Variants in POLA1 observed in about 807,000 individuals in gnomAD.
POLA1 encodes the protein DNA polymerase alpha catalytic subunit.
In POLA1, 15 loss-of-function variants were observed where a neutral mutation model predicts 124.0. The ratio of observed to expected loss-of-function variants is 0.12; its 90% CI spans 0.08 to 0.19. The LOEUF is 0.19. POLA1 is among the 10% of genes least tolerant of loss of function. POLA1 has a pLI of 1.00. For synonymous variants in POLA1, 408 were observed against 389.4 expected, an observed-to-expected ratio of 1.05 and a Z score of -0.56; for missense variants, 886 against 1,103.4, an observed-to-expected ratio of 0.80 and a Z score of 2.79.
chrX:24,744,440 G>A (rs1931869895), intron 23 of POLA1: 1 of 335,158 alleles, frequency 3.0e-6, no homozygotes, highest in East Asian at 8.3e-5. Context: ...TGTCTTAATA[G>A]TGGACATTTA....
chrX:24,806,271 T>C (rs1344296769), intron 26 of POLA1, among the ~76,000 whole-genome samples: 2 of 107,795 alleles, frequency 1.9e-5, no homozygotes, highest in Non-Finnish European at 3.8e-5. Flanking sequence ...TCTATAAATA[T>C]TTATTAACAG....
intron 34 of POLA1, among the ~76,000 whole-genome samples, chrX:24,845,448 G>A (rs2046463860): frequency 8.9e-6 from 1 of 111,870 alleles, no homozygotes; most frequent in Admixed American, 9.5e-5. Context: ...GGCAGAGAAC[G>A]AAATCCGTTA....
At chrX:24,811,113 C>CTAA (rs1029957871) in intron 28 of POLA1, among the ~76,000 whole-genome samples, 1 of 110,430 alleles carries the variant, frequency 9.1e-6, no homozygotes, top group African/African-American at 3.3e-5. Flanking sequence ...CCATGCCCAG[C>CTAA]TAATTAAAAA....
At chrX:24,765,187 C>T (rs888915893) in intron 26 of POLA1, among the ~76,000 whole-genome samples, 1 of 111,084 alleles carries the variant, frequency 9.0e-6, no homozygotes, top group African/African-American at 3.3e-5. Flanking sequence ...ATCTGGTTTC[C>T]TCTGCCTGGA....
intron 36 of POLA1, among the ~76,000 whole-genome samples, chrX:24,947,176 C>T (rs181783394): frequency 7.4e-5 from 8 of 107,393 alleles, no homozygotes; most frequent in African/African-American, 2.7e-4. Context: ...ACTGTCTCAA[C>T]CCAGGCACAC....
At chrX:24,994,540 C>A (rs775042129) in intron 36 of POLA1, among the ~76,000 whole-genome samples, 12 of 112,149 alleles carry the variant, frequency 1.1e-4, no homozygotes, top group Admixed American at 9.4e-4. Context: ...GGGGCGGAGG[C>A]CTCACCTCAG....
chrX:24,831,059 G>A (rs1275413652), intron 32 of POLA1, among the ~76,000 whole-genome samples: 1 of 111,820 alleles, frequency 8.9e-6, no homozygotes, highest in Non-Finnish European at 1.9e-5. Context: ...ACTTAACCCA[G>A]TGTGTTCTGA....
chrX:24,767,656 G>A (rs762372512), intron 26 of POLA1, among the ~76,000 whole-genome samples: 1 of 111,871 alleles, frequency 8.9e-6, no homozygotes, highest in Non-Finnish European at 1.9e-5. Context: ...TAGTGGAGGT[G>A]GGCGTGGAGG....
intron 34 of POLA1, among the ~76,000 whole-genome samples, chrX:24,844,659 T>C (rs1459053831): frequency 8.9e-6 from 1 of 112,066 alleles, no homozygotes; most frequent in Non-Finnish European, 1.9e-5. Context: ...TCCAGTATTA[T>C]GATTTTGGTG....
chrX:24,706,667 A>G (rs1928829849), intron 4 of POLA1, among the ~76,000 whole-genome samples: 2 of 112,130 alleles, frequency 1.8e-5, no homozygotes, highest in African/African-American at 3.2e-5. Context: ...CACTAAATCA[A>G]TATCTGTACT....
At chrX:24,760,556 A>G (rs1932777919) in intron 26 of POLA1, among the ~76,000 whole-genome samples, 1 of 112,199 alleles carries the variant, frequency 8.9e-6, no homozygotes, top group Non-Finnish European at 1.9e-5. Flanking sequence ...CAGTATGGTC[A>G]GACCCATTAA....
intron 26 of POLA1, among the ~76,000 whole-genome samples, chrX:24,799,943 C>A (rs1252004081): frequency 1.8e-5 from 2 of 111,664 alleles, no homozygotes; most frequent in Non-Finnish European, 3.8e-5. Flanking sequence ...CACTTTGAGT[C>A]AATTTTAATC....
At chrX:24,891,516 T>C (rs1368483212) in intron 35 of POLA1, among the ~76,000 whole-genome samples, 2 of 111,767 alleles carry the variant, frequency 1.8e-5, no homozygotes, top group East Asian at 5.6e-4. Flanking sequence ...AATGCATTTT[T>C]CCAAAGATAG....
At chrX:24,757,952 A>ACTTACTT (rs1932698260) in intron 26 of POLA1, among the ~76,000 whole-genome samples, 2 of 111,843 alleles carry the variant, frequency 1.8e-5, no homozygotes, top group South Asian at 7.5e-4. Context: ...TTTTATCTGC[A>ACTTACTT]GATCGTTTAT....
chrX:24,949,883 C>T lies in POLA1; in HGVS notation c.4261+19334C>T, dbSNP rs768890915. Among the ~76,000 whole-genome samples the T allele has an allele frequency of 1.5e-4, 16 of 109,383 alleles. No homozygotes were observed. In the East Asian group the frequency reaches 2.9e-3, roughly 20 times the overall value. 95.0% of individuals were successfully genotyped at this position (109,383 alleles called of 115,157 possible). ...CCTAGTAGCTGGGATTACAGGTACA[C>T]GCCACCACACCCAGCTAATTTTGTA... On this transcript the variant is annotated intron_variant, in intron 36 of 36. Transcript: ENST00000379068.
At chrX:24,712,035 ACT>A (rs1457641852) in intron 4 of POLA1, among the ~76,000 whole-genome samples, 3 of 111,715 alleles carry the variant, frequency 2.7e-5, no homozygotes, top group Non-Finnish European at 5.7e-5. Flanking sequence ...AATTTTTGCC[ACT>A]CTGATATGTG....
At chrX:24,822,948 C>T (rs1383510220) in intron 31 of POLA1, among the ~76,000 whole-genome samples, 1 of 111,145 alleles carries the variant, frequency 9.0e-6, no homozygotes, top group East Asian at 2.8e-4. Context: ...TGTGTTTTGG[C>T]CAAACCTGCA....
At chrX:24,723,761 A>C (rs1361790541) in intron 11 of POLA1, among the ~76,000 whole-genome samples, 1 of 111,894 alleles carries the variant, frequency 8.9e-6, no homozygotes, top group Non-Finnish European at 1.9e-5. Flanking sequence ...GCTCACTGCA[A>C]CCTCCGCCTT....
intron 30 of POLA1, among the ~76,000 whole-genome samples, chrX:24,820,450 C>G (rs1299353593): frequency 1.6e-4 from 18 of 111,509 alleles, no homozygotes; most frequent in Non-Finnish European, 3.8e-5. Flanking sequence ...CTGGGTATCC[C>G]CCTCCTTTTC....
Sources: gnomAD v4.1 joint callset for allele counts (sites outside exome capture counted in the v4.1 genomes callset) on GRCh38, gnomAD v4.1.1 for gene constraint, MANE v1.5 for transcripts, NCBI Gene and HGNC (gene_info 2026-07-23, HGNC 2026-07-21) for gene names.